The following TENM3 variants were observed in gnomAD, a reference collection of about 807,000 sequenced individuals.
TENM3 encodes teneurin transmembrane protein 3, also known as teneurin-3.
Under a neutral mutation model 255.1 loss-of-function variants are expected in TENM3, and 63 were observed. The ratio of observed to expected loss-of-function variants is 0.25; its 90% CI spans 0.20 to 0.30. The LOEUF (loss-of-function observed/expected upper bound fraction) is 0.30, where lower values mean the gene tolerates loss of function less well. TENM3 is among the 10% of genes least tolerant of loss of function. The pLI, the probability that TENM3 is intolerant of heterozygous loss-of-function variation, is 1.00. For missense variants in TENM3, 2,929 were observed against 3,461.1 expected (o/e 0.85, Z 3.86); for synonymous variants, 1,306 against 1,322.3 (o/e 0.99, Z 0.27).
rs768285669 is a variant in TENM3, at chr4:182,800,302, G to A, written c.8051G>A (p.Ser2684Asn). Residue 2684 changes from serine to asparagine, a missense_variant, in exon 28 of 28, where the codon AGC (serine) becomes AAC (asparagine). Ser to Asn is a conservative substitution (Grantham distance 46). Coordinates refer to ENST00000511685, the MANE Select transcript of TENM3 (RefSeq NM_001080477.4). Reference protein sequence around the residue: ...SVEQYPELADSANNIQFLRQS... With the variant: ...SVEQYPELADNANNIQFLRQS... ...GAGCAGTACCCCGAGCTGGCCGACA[G>A]CGCCAACAACATCCAGTTCCTGCGG... The A allele has an allele frequency of 1.3e-6, 2 of 1,594,812 alleles. No homozygotes were observed. Among genetic ancestry groups the A allele is most frequent in the Admixed American group, 1.7e-5 (1 of 59,726 alleles).
At chr4:181,599,757 G>T in the TENM3 span, among the ~76,000 whole-genome samples, 1 of 152,076 alleles carries the variant, frequency 6.6e-6, no homozygotes, top group African/African-American at 2.4e-5. Flanking sequence ...TTAATTATTT[G>T]ACCATTTGTG....
chr4:182,665,944 T>C (rs1384162520), intron 6 of TENM3, among the ~76,000 whole-genome samples: 1 of 152,104 alleles, frequency 6.6e-6, no homozygotes, highest in Non-Finnish European at 1.5e-5. Flanking sequence ...TAGATGCTAT[T>C]AAGAACATTT....
At chr4:181,989,652 C>A in the TENM3 span, among the ~76,000 whole-genome samples, 499 of 152,184 alleles carry the variant, frequency 3.3e-3, 16 homozygotes, top group South Asian at 0.049. Context: ...GCTGTCTATG[C>A]ACATAAAATG....
intron 3 of TENM3, among the ~76,000 whole-genome samples, chr4:182,489,671 C>G (rs1735090727): frequency 6.6e-6 from 1 of 152,096 alleles, no homozygotes; most frequent in South Asian, 2.1e-4. Flanking sequence ...ACAAATTATC[C>G]AAAATTCTTT....
chr4:181,747,154 T>G, the TENM3 span, among the ~76,000 whole-genome samples: 1 of 152,146 alleles, frequency 6.6e-6, no homozygotes, highest in East Asian at 1.9e-4. Context: ...ACTACTTTCC[T>G]CATACCCTGG....
chr4:181,844,179 A>G, the TENM3 span, among the ~76,000 whole-genome samples: 1 of 152,078 alleles, frequency 6.6e-6, no homozygotes, highest in East Asian at 1.9e-4. Context: ...TAACCCATTC[A>G]TGGAGGCAAA....
chr4:182,683,611 G>A (rs918820050), intron 11 of TENM3, among the ~76,000 whole-genome samples: 2 of 152,114 alleles, frequency 1.3e-5, no homozygotes, highest in Non-Finnish European at 2.9e-5. Context: ...GTATTTGGAG[G>A]CAAAAAAATT....
At chr4:181,968,992 C>A in the TENM3 span, among the ~76,000 whole-genome samples, 40,245 of 115,596 alleles carry the variant, frequency 0.35, 6,088 homozygotes, top group African/African-American at 0.48. Context: ...CTCTCTCTCT[C>A]TATATACATA....
chr4:181,906,778 C>G, the TENM3 span, among the ~76,000 whole-genome samples: 1 of 152,288 alleles, frequency 6.6e-6, no homozygotes, highest in East Asian at 1.9e-4. Flanking sequence ...AACTCCTGAG[C>G]CCAAGCGATC....
intron 3 of TENM3, among the ~76,000 whole-genome samples, chr4:182,575,936 G>A (rs769729648): frequency 2.6e-5 from 4 of 152,088 alleles, no homozygotes; most frequent in Non-Finnish European, 4.4e-5. Flanking sequence ...TATTCATCCG[G>A]TTACAGAGTT....
chr4:181,762,927 A>G, the TENM3 span, among the ~76,000 whole-genome samples: 1 of 151,952 alleles, frequency 6.6e-6, no homozygotes, highest in Non-Finnish European at 1.5e-5. Flanking sequence ...GTAAAAAAAA[A>G]ACGAGATTAA....
At chr4:182,699,211 G>A (rs1432614286) in intron 12 of TENM3, among the ~76,000 whole-genome samples, 1 of 152,206 alleles carries the variant, frequency 6.6e-6, no homozygotes, top group Non-Finnish European at 1.5e-5. Flanking sequence ...ACTGGAAGGC[G>A]GGCCCACTGG....
chr4:182,557,374 T>C (rs1742682169), intron 3 of TENM3, among the ~76,000 whole-genome samples: 1 of 152,196 alleles, frequency 6.6e-6, no homozygotes, highest in African/African-American at 2.4e-5. Context: ...GTAAGTAAAC[T>C]GTGATGTACT....
intron 3 of TENM3, among the ~76,000 whole-genome samples, chr4:182,389,538 G>A (rs1006239842): frequency 1.3e-5 from 2 of 152,230 alleles, no homozygotes; most frequent in South Asian, 2.1e-4. Flanking sequence ...GTGGCACAAA[G>A]AAATCTGAAA....
At chr4:182,142,002 A>C (rs571233687), upstream of TENM3, 4 of 152,280 alleles carry the variant, frequency 2.6e-5, no homozygotes, top group South Asian at 8.3e-4. Context: ...TGTGTGTGGG[A>C]ACTAGGCCAC....
chr4:182,347,133 A>G (rs930188963), intron 3 of TENM3, among the ~76,000 whole-genome samples: 2 of 152,140 alleles, frequency 1.3e-5, no homozygotes, highest in Non-Finnish European at 1.5e-5. Context: ...AAAAAAATCA[A>G]TATTTGACAT....
At chr4:182,520,585 A>T (rs1447729997) in intron 3 of TENM3, among the ~76,000 whole-genome samples, 1 of 152,204 alleles carries the variant, frequency 6.6e-6, no homozygotes, top group Non-Finnish European at 1.5e-5. Context: ...GCATTAAATT[A>T]TTCCTGCTAA....
intron 23 of TENM3, 93 bp downstream of exon 23, chr4:182,773,740 G>C: frequency 8.9e-7 from 1 of 1,123,046 alleles, no homozygotes; most frequent in Non-Finnish European, 1.3e-6. Context: ...GAAAAGGGAA[G>C]GTGAAAATGT....
At chr4:181,852,861 G>A in the TENM3 span, among the ~76,000 whole-genome samples, 4 of 152,204 alleles carry the variant, frequency 2.6e-5, no homozygotes, top group African/African-American at 9.6e-5. Flanking sequence ...CAGCGTAGTG[G>A]TGATGGTTTC....
Sources: gnomAD v4.1 joint callset for allele counts (sites outside exome capture counted in the v4.1 genomes callset) on GRCh38, gnomAD v4.1.1 for gene constraint, MANE v1.5 for transcripts, NCBI Gene and HGNC (gene_info 2026-07-23, HGNC 2026-07-21) for gene names.